ADARB2: variants seen among roughly 807,000 people sequenced by gnomAD.
ADARB2 encodes adenosine deaminase RNA specific B2 (inactive).
Under a neutral mutation model 62.2 loss-of-function variants are expected in ADARB2, and 25 were observed. The ratio of observed to expected loss-of-function variants is 0.40; its 90% CI spans 0.29 to 0.56. The LOEUF (loss-of-function observed/expected upper bound fraction) is 0.56. Ranked by LOEUF, ADARB2 falls within the 20% of genes least tolerant of loss-of-function variation. The pLI is 0.43. For synonymous variants in ADARB2, 572 were observed against 500.8 expected (o/e 1.14, Z -1.90); for missense variants, 1,071 against 1,077.4 (o/e 0.99, Z 0.08).
chr10:1,436,344 T>A (rs1443575868), intron 1 of ADARB2, among the ~76,000 whole-genome samples: 1 of 152,248 alleles, frequency 6.6e-6, no homozygotes, highest in Non-Finnish European at 1.5e-5. Flanking sequence ...GGTCTCTTTT[T>A]GTTTTAAAGA....
chr10:1,209,643 A>G (rs1201647356), intron 7 of ADARB2, among the ~76,000 whole-genome samples: 1 of 146,704 alleles, frequency 6.8e-6, no homozygotes, highest in Non-Finnish European at 1.5e-5. Context: ...ATCCACACTC[A>G]TGCCCATGCC....
intron 3 of ADARB2, among the ~76,000 whole-genome samples, chr10:1,359,211 GGCAGGT>G (rs1832226065): frequency 1.3e-5 from 2 of 152,196 alleles, no homozygotes; most frequent in South Asian, 4.1e-4. Flanking sequence ...CAATGAGCCA[GGCAGGT>G]GCACCTGAGC....
chr10:1,189,719 AAC>A (rs1836812363), intron 8 of ADARB2, among the ~76,000 whole-genome samples: 1 of 151,552 alleles, frequency 6.6e-6, no homozygotes, highest in Non-Finnish European at 1.5e-5. Context: ...GTCCACCCAG[AAC>A]ACATGGCCCT....
intron 1 of ADARB2, among the ~76,000 whole-genome samples, chr10:1,622,413 T>C (rs983188135): frequency 7.2e-5 from 11 of 152,142 alleles, no homozygotes; most frequent in Non-Finnish European, 1.6e-4. Context: ...TTATACAGGT[T>C]GAAAATATTT....
intron 1 of ADARB2, among the ~76,000 whole-genome samples, chr10:1,642,218 G>A (rs1371677394): frequency 6.8e-6 from 1 of 147,562 alleles, no homozygotes; most frequent in Non-Finnish European, 1.5e-5. Flanking sequence ...AAAAGCACAC[G>A]GATTTTGGCT....
chr10:1,737,114 C>T lies in ADARB2; in HGVS notation c.37G>A (p.Gly13Arg), dbSNP rs1402657118. 12 of 1,610,872 alleles carry T rather than the reference C, an allele frequency of 7.4e-6. No individual in the cohort carries two copies. The highest frequency in any genetic ancestry group is 1.0e-5 in the Non-Finnish European group (12 of 1,179,922). Residue 13 changes from glycine to arginine, a missense_variant, in exon 1 of 10, where the codon GGG (glycine) becomes AGG (arginine). Gly to Arg is a moderately radical substitution (Grantham distance 125). Transcript: ENST00000381312. ...SVLGSGRGSG[G>R]LSSQLKCKSK... ...TTGCATTTGAGTTGACTGCTCAGCC[C>T]TCCAGACCCTCTGCCGCTCCCCAGG...
At chr10:1,602,775 C>A (rs903937348) in intron 1 of ADARB2, among the ~76,000 whole-genome samples, 1 of 148,560 alleles carries the variant, frequency 6.7e-6, no homozygotes, top group African/African-American at 2.5e-5. Context: ...ACACACACAT[C>A]CACATACATC....
intron 3 of ADARB2, among the ~76,000 whole-genome samples, chr10:1,335,394 G>A (rs898106079): frequency 6.6e-6 from 1 of 150,710 alleles, no homozygotes; most frequent in African/African-American, 2.4e-5. Context: ...AAGGATAGAG[G>A]GGTGGATGAC....
At chr10:1,568,356 G>A (rs953213099) in intron 1 of ADARB2, among the ~76,000 whole-genome samples, 2 of 152,172 alleles carry the variant, frequency 1.3e-5, no homozygotes, top group Non-Finnish European at 2.9e-5. Context: ...AGCACCGATG[G>A]TCCAGCCGGA....
At chr10:1,487,088 G>A (rs983886587) in intron 1 of ADARB2, among the ~76,000 whole-genome samples, 16 of 152,248 alleles carry the variant, frequency 1.1e-4, no homozygotes, top group African/African-American at 2.2e-4. Context: ...AGCTGCACGC[G>A]TGGGTGCCGT....
intron 1 of ADARB2, among the ~76,000 whole-genome samples, chr10:1,610,982 C>T (rs368766709): frequency 3.9e-5 from 6 of 152,160 alleles, no homozygotes; most frequent in African/African-American, 1.4e-4. Flanking sequence ...AAATGTCCAC[C>T]AAATTGTACA....
At chr10:1,297,569 C>T (rs1458126903) in intron 3 of ADARB2, among the ~76,000 whole-genome samples, 3 of 152,144 alleles carry the variant, frequency 2.0e-5, no homozygotes, top group Admixed American at 6.5e-5. Context: ...AGGGTGGCTG[C>T]GTGGCATCGC....
intron 6 of ADARB2, among the ~76,000 whole-genome samples, chr10:1,217,881 G>A (rs564057225): frequency 3.4e-4 from 51 of 152,210 alleles, no homozygotes; most frequent in African/African-American, 1.1e-3. Flanking sequence ...GTGACGGAGC[G>A]TCTGGTGGGT....
chr10:1,666,794 G>C (rs145879950), intron 1 of ADARB2, among the ~76,000 whole-genome samples: 143 of 152,266 alleles, frequency 9.4e-4, no homozygotes, highest in African/African-American at 3.2e-3. Context: ...TCTGAGACTC[G>C]AGATGGCCAA....
intron 3 of ADARB2, among the ~76,000 whole-genome samples, chr10:1,348,344 C>CGGTTGA (rs1832100660): frequency 6.6e-6 from 1 of 152,136 alleles, no homozygotes. Context: ...CCTGGGTGAG[C>CGGTTGA]GGTTGAGGGG....
At chr10:1,411,183 C>T (rs553148914) in intron 1 of ADARB2, among the ~76,000 whole-genome samples, 3 of 152,290 alleles carry the variant, frequency 2.0e-5, no homozygotes, top group East Asian at 3.9e-4. Context: ...CCCCAGCCTC[C>T]GTGGGCCTAG....
intron 1 of ADARB2, among the ~76,000 whole-genome samples, chr10:1,510,071 TTCTTTC>T (rs1831904364): frequency 6.6e-6 from 1 of 151,118 alleles, no homozygotes; most frequent in South Asian, 2.1e-4. Flanking sequence ...CACTCTTTCT[TTCTTTC>T]TCTTTCTCTC....
intron 1 of ADARB2, among the ~76,000 whole-genome samples, chr10:1,479,868 G>A (rs1297488749): frequency 6.6e-6 from 1 of 152,150 alleles, no homozygotes; most frequent in Non-Finnish European, 1.5e-5. Flanking sequence ...AAACATCGAA[G>A]GACTCCGTGC....
intron 7 of ADARB2, among the ~76,000 whole-genome samples, chr10:1,202,593 G>A (rs946260177): frequency 6.6e-6 from 1 of 152,222 alleles, no homozygotes; most frequent in African/African-American, 2.4e-5. Context: ...TCCTCGGGAC[G>A]TAAGATGCCC....
Sources: gnomAD v4.1 joint callset for allele counts (sites outside exome capture counted in the v4.1 genomes callset) on GRCh38, gnomAD v4.1.1 for gene constraint, MANE v1.5 for transcripts, NCBI Gene and HGNC (gene_info 2026-07-23, HGNC 2026-07-21) for gene names.